YBEY: variants seen among roughly 807,000 people sequenced by gnomAD.
YBEY encodes endoribonuclease YbeY.
Under a neutral mutation model 13.5 loss-of-function variants are expected in YBEY, and 15 were observed. The ratio of observed to expected loss-of-function variants is 1.11; its 90% CI spans 0.75 to 1.72. The LOEUF (loss-of-function observed/expected upper bound fraction) is 1.72. YBEY is among the 40% of genes most tolerant of loss of function. The pLI, the probability that YBEY is intolerant of heterozygous loss-of-function variation, is 0.00. For synonymous variants in YBEY, 101 were observed against 83.1 expected (o/e 1.21, Z -1.17); for missense variants, 244 against 208.4 (o/e 1.17, Z -1.05).
chr21:46,296,122 T>C, intron 3 of YBEY, 40 bp from the exon 4 acceptor site: 2 of 1,612,492 alleles, frequency 1.2e-6, no homozygotes, highest in Non-Finnish European at 1.7e-6. Flanking sequence ...CAGGTTCCTG[T>C]GGGGTCATCC....
chr21:46,303,708 A>ATATATATATACATATATATAT, the YBEY span, among the ~76,000 whole-genome samples: 1 of 37,290 alleles, frequency 2.7e-5, no homozygotes, highest in African/African-American at 1.0e-4. Flanking sequence ...ACACACACAA[A>ATATATATATACATATATATAT]ATATATATAT....
At chr21:46,291,608 C>T (rs1411321417) in intron 3 of YBEY, 146 bp downstream of exon 3, 3 of 1,464,424 alleles carry the variant, frequency 2.0e-6, no homozygotes, top group African/African-American at 2.9e-5. Context: ...GTGTGAGGAG[C>T]ACCCAGGCTG....
the YBEY span, among the ~76,000 whole-genome samples, chr21:46,305,726 T>A: frequency 6.7e-6 from 1 of 148,914 alleles, no homozygotes; most frequent in Admixed American, 6.7e-5. Context: ...GATCATGAGG[T>A]TAGAAGATCG....
Position 46,291,468 on chromosome 21 carries a change from C to T in YBEY, c.339+6C>T, listed in dbSNP as rs368758593. On this transcript the variant is annotated splice_donor_region_variant and intron_variant, in intron 3 of 4. Transcript: ENST00000397701. ...ATTACAATGACGTCCTGACTGTAAG[C>T]GGGGATGCTGAAATCATATAACCTG... The T allele has an allele frequency of 1.8e-5, 29 of 1,613,158 alleles. No homozygotes were observed. The highest frequency in any genetic ancestry group is 3.3e-5 in the Admixed American group (2 of 59,858).
the YBEY span, chr21:46,311,615 G>C: frequency 8.6e-7 from 1 of 1,162,748 alleles, no homozygotes; most frequent in Non-Finnish European, 1.3e-6. Flanking sequence ...CTTGAAGAAA[G>C]TGTCTCCAGT....
At chr21:46,296,830 A>G (rs2081968453) in intron 4 of YBEY, among the ~76,000 whole-genome samples, 1 of 151,506 alleles carries the variant, frequency 6.6e-6, no homozygotes, top group South Asian at 2.1e-4. Context: ...CCCTGTCTCT[A>G]CTAAAAATAC....
At position 46,287,052 on chromosome 21, in the gene YBEY, A is replaced by G. The variant is rs781359726; in HGVS notation, c.139A>G (p.Ile47Val). 2 of 1,614,050 alleles carry G rather than the reference A, an allele frequency of 1.2e-6. No individual in the cohort carries two copies. Among genetic ancestry groups the G allele is most frequent in the East Asian group, 2.2e-5 (1 of 44,876 alleles). Residue 47 changes from isoleucine (I) to valine (V), a missense_variant, in exon 2 of 5, where the codon ATT (isoleucine) becomes GTT (valine). Physicochemically the swap from Ile to Val is conservative, Grantham distance 29. Transcript: ENST00000397701. Reference protein sequence around the residue: ...LGIICVDNKNIQHINRIYRDR... With the variant: ...LGIICVDNKNVQHINRIYRDR... ...GATCATCTGTGTTGACAACAAGAAT[A>G]TTCAGCACATTAATAGAATCTACAG...
intron 3 of YBEY, among the ~76,000 whole-genome samples, chr21:46,295,020 G>T (rs1320232305): frequency 6.6e-6 from 1 of 152,184 alleles, no homozygotes; most frequent in African/African-American, 2.4e-5. Context: ...GGAAGAGGGA[G>T]TTTCTGAGAG....
At chr21:46,293,273 CG>C (rs2081814091) in intron 3 of YBEY, among the ~76,000 whole-genome samples, 2 of 79,554 alleles carry the variant, frequency 2.5e-5, no homozygotes, top group African/African-American at 8.7e-5. Flanking sequence ...GACCCGTGCC[CG>C]GGACTCAGTG....
Position 46,297,739 on chromosome 21 carries a change from C to A in YBEY, c.*105C>A, listed in dbSNP as rs901411565. 2.7e-5 allele frequency: 34 copies of A among 1,248,664 alleles called. No homozygotes were observed. The highest frequency in any genetic ancestry group is 3.0e-5 in the Non-Finnish European group (30 of 990,162). 77.3% of individuals were successfully genotyped at this position (1,248,664 alleles called of 1,614,324 possible). On this transcript the variant is annotated 3_prime_UTR_variant, in exon 5 of 5. Coordinates refer to ENST00000397701, the MANE Select transcript of YBEY (RefSeq NM_001314025.2). ...AATGAACGTACGAGGGGAACCTCCTCTTATTTCCTTCACGTTGCATCGGGT... is the reference window on the plus strand; with the variant it reads ...AATGAACGTACGAGGGGAACCTCCTATTATTTCCTTCACGTTGCATCGGGT...
the YBEY span, among the ~76,000 whole-genome samples, chr21:46,308,893 C>A: frequency 6.6e-6 from 1 of 152,194 alleles, no homozygotes; most frequent in Non-Finnish European, 1.5e-5. Context: ...GCACACTCAG[C>A]CCCCTTGCCA....
chr21:46,297,542 T>C lies in YBEY; in HGVS notation c.412T>C (p.Phe138Leu), dbSNP rs2081994321. ...HGTEAEWQQMFQKEKAVLDEL... is the reference protein window; with the variant it reads ...HGTEAEWQQMLQKEKAVLDEL... ...CAGCGCGCTTCCTTCCTTCCAGATG[T>C]TCCAGAAGGAGAAGGCGGTGCTGGA... is the stretch of plus-strand genomic sequence containing the variant. Residue 138 changes from phenylalanine to leucine, a missense_variant, in exon 5 of 5, where the codon TTC (phenylalanine) becomes CTC (leucine). Physicochemically the swap from Phe to Leu is conservative, Grantham distance 22. Transcript: ENST00000397701. The C allele has an allele frequency of 1.4e-6, 2 of 1,392,130 alleles. No individual in the cohort carries two copies. Among genetic ancestry groups the C allele is most frequent in the Non-Finnish European group, 1.9e-6 (2 of 1,061,042 alleles). 86.2% of individuals were successfully genotyped at this position (1,392,130 alleles called of 1,614,324 possible). A position where few individuals can be genotyped will look rare whatever the true frequency, so the allele number is the denominator to read the frequency against.
chr21:46,302,287 G>C (rs1234449233), downstream of YBEY: 2 of 1,388,880 alleles, frequency 1.4e-6, no homozygotes, highest in African/African-American at 1.5e-5. Flanking sequence ...TCCCAGAGGA[G>C]GCTCCTCCCC....
At chr21:46,303,525 C>T in the YBEY span, among the ~76,000 whole-genome samples, 1 of 150,800 alleles carries the variant, frequency 6.6e-6, no homozygotes, top group Admixed American at 6.6e-5. Context: ...GGGCAAATTA[C>T]TTAAATGGAC....
chr21:46,295,858 TC>T (rs2081936855), intron 3 of YBEY, among the ~76,000 whole-genome samples: 2 of 151,374 alleles, frequency 1.3e-5, no homozygotes, highest in South Asian at 4.2e-4. Flanking sequence ...TTCTTCATAT[TC>T]CATCCCCCCT....
intron 3 of YBEY, 73 bp downstream of exon 3, chr21:46,291,535 C>T (rs747073812): frequency 3.1e-6 from 5 of 1,592,220 alleles, no homozygotes; most frequent in African/African-American, 2.7e-5. Flanking sequence ...AAGATCACAA[C>T]CCTGCATCCA....
downstream of YBEY, among the ~76,000 whole-genome samples, chr21:46,298,261 G>A (rs200843105): frequency 1.1e-3 from 170 of 152,110 alleles, 2 homozygotes; most frequent in East Asian, 0.027. Context: ...ACTGACTTGC[G>A]TCCTGTCTTA....
At chr21:46,302,452 T>C (rs2082149737), downstream of YBEY, 5 of 1,522,260 alleles carry the variant, frequency 3.3e-6, no homozygotes, top group Non-Finnish European at 4.5e-6. Flanking sequence ...CCCTGTTTCC[T>C]TGGCCTAGGG....
chr21:46,290,778 G>A (rs939280970), intron 2 of YBEY, among the ~76,000 whole-genome samples: 12 of 151,846 alleles, frequency 7.9e-5, no homozygotes, highest in Non-Finnish European at 1.5e-4. Context: ...AGACGCGGTG[G>A]CTCACGCCTG....
Sources: allele counts gnomAD v4.1 joint callset (sites outside exome capture counted in the v4.1 genomes callset), GRCh38; gene constraint gnomAD v4.1.1; transcripts MANE v1.5; gene names NCBI Gene and HGNC (gene_info 2026-07-23, HGNC 2026-07-21).